TNFSF4: variants seen among roughly 807,000 people sequenced by gnomAD.
The protein encoded by TNFSF4 is tumor necrosis factor ligand superfamily member 4.
In TNFSF4, 4 loss-of-function variants were observed where a neutral mutation model predicts 7.3. The ratio of observed to expected loss-of-function variants is 0.55; its 90% CI spans 0.27 to 1.25. The LOEUF is 1.25. Ranked by LOEUF, TNFSF4 falls within the 50% of genes most tolerant of loss-of-function variation. The probability of loss-of-function intolerance (pLI) is 0.12; values close to 1 mark genes in which losing one functional copy is unlikely to be tolerated. For synonymous variants in TNFSF4, 76 were observed against 83.7 expected (o/e 0.91, Z 0.50); for missense variants, 181 against 208.8 (o/e 0.87, Z 0.82).
the TNFSF4 span, among the ~76,000 whole-genome samples, chr1:173,271,483 A>C: frequency 6.6e-6 from 1 of 151,654 alleles, no homozygotes; most frequent in Non-Finnish European, 1.5e-5. Context: ...TCTACAAAGA[A>C]CTTAAACAAA....
intron 1 of TNFSF4, among the ~76,000 whole-genome samples, chr1:173,197,022 G>A (rs370982482): frequency 6.6e-5 from 10 of 152,166 alleles, no homozygotes; most frequent in East Asian, 5.8e-4. Flanking sequence ...GAACTAAGGT[G>A]GAACTTAGCC....
the TNFSF4 span, among the ~76,000 whole-genome samples, chr1:173,230,713 T>C: frequency 2.7e-5 from 4 of 150,670 alleles, no homozygotes; most frequent in Admixed American, 6.6e-5. Context: ...GAGAGAAGAA[T>C]CAAATAGACA....
the TNFSF4 span, among the ~76,000 whole-genome samples, chr1:173,384,373 TTG>T: frequency 6.6e-6 from 1 of 152,246 alleles, no homozygotes; most frequent in East Asian, 1.9e-4. Context: ...GAATAAACAT[TTG>T]TGTGTGTTGG....
chr1:173,216,609 T>C, the TNFSF4 span, among the ~76,000 whole-genome samples: 1 of 152,180 alleles, frequency 6.6e-6, no homozygotes, highest in Non-Finnish European at 1.5e-5. Flanking sequence ...CAATGAGCCA[T>C]GATTTTCTCT....
the TNFSF4 span, among the ~76,000 whole-genome samples, chr1:173,387,249 T>G: frequency 2.0e-5 from 3 of 152,184 alleles, no homozygotes; most frequent in Non-Finnish European, 4.4e-5. Context: ...GAATCCCCAA[T>G]GCAACAGTAT....
At chr1:173,352,230 C>A in the TNFSF4 span, among the ~76,000 whole-genome samples, 1 of 152,132 alleles carries the variant, frequency 6.6e-6, no homozygotes, top group Admixed American at 6.5e-5. Context: ...AGCGGGGACA[C>A]CTTACTGTTA....
the TNFSF4 span, among the ~76,000 whole-genome samples, chr1:173,348,026 T>A: frequency 6.6e-6 from 1 of 152,190 alleles, no homozygotes; most frequent in Admixed American, 6.5e-5. Flanking sequence ...AGGCAGTGAT[T>A]TTCCAATTCA....
chr1:173,186,969 G>C, intron 2 of TNFSF4, 104 bp from the exon 3 acceptor site: 1 of 774,270 alleles, frequency 1.3e-6, no homozygotes, highest in East Asian at 2.7e-5. Flanking sequence ...GTGATAGGGA[G>C]AGATTTTGAA....
the TNFSF4 span, among the ~76,000 whole-genome samples, chr1:173,450,298 C>A: frequency 1.3e-5 from 2 of 151,854 alleles, no homozygotes; most frequent in Admixed American, 1.3e-4. Context: ...TAGTTTAAAC[C>A]TTCCAAAAAG....
At position 173,207,052 on chromosome 1, in the gene TNFSF4, T is replaced by C. The variant is rs1557887850; in HGVS notation, c.125A>G (p.Tyr42Cys). ...AAGAGCAGAGAAGTGCAGGCAGATG[T>C]AGGTGAAGCACAGGAGCAGCCCCAG... Reference protein sequence around the residue: ...QGLGLLLCFTYICLHFSALQV... With the variant: ...QGLGLLLCFTCICLHFSALQV... Residue 42 changes from tyrosine to cysteine, a missense_variant, in exon 1 of 3, where the codon TAC becomes TGC. Tyr to Cys is a radical substitution (Grantham distance 194, BLOSUM62 -2). Coordinates refer to ENST00000281834, the MANE Select transcript of TNFSF4 (RefSeq NM_003326.5). The C allele has an allele frequency of 1.2e-6, 2 of 1,613,106 alleles. No homozygotes were observed. The highest frequency in any genetic ancestry group is 1.7e-6 in the Non-Finnish European group (2 of 1,179,606).
chr1:173,357,272 T>C, the TNFSF4 span, among the ~76,000 whole-genome samples: 1 of 152,174 alleles, frequency 6.6e-6, no homozygotes, highest in Non-Finnish European at 1.5e-5. Flanking sequence ...TATTATCTCA[T>C]GCCATCTGGT....
the TNFSF4 span, among the ~76,000 whole-genome samples, chr1:173,234,251 C>T: frequency 2.5e-4 from 38 of 152,168 alleles, 3 homozygotes; most frequent in Admixed American, 1.1e-3. Context: ...CAATGAGATA[C>T]GATCTCACAC....
chr1:173,410,079 A>G, the TNFSF4 span, among the ~76,000 whole-genome samples: 1 of 152,198 alleles, frequency 6.6e-6, no homozygotes. Context: ...AGCCTGGGCA[A>G]CATAGTGAGA....
the TNFSF4 span, among the ~76,000 whole-genome samples, chr1:173,295,621 A>G: frequency 6.6e-6 from 1 of 152,028 alleles, no homozygotes; most frequent in Non-Finnish European, 1.5e-5. Flanking sequence ...TCTGCTGTTA[A>G]TCCTCAGGCC....
the TNFSF4 span, among the ~76,000 whole-genome samples, chr1:173,448,343 G>A: frequency 6.6e-6 from 1 of 152,086 alleles, no homozygotes; most frequent in Non-Finnish European, 1.5e-5. Context: ...TATTCACCAT[G>A]CTAAACCATA....
At chr1:173,249,944 T>A in the TNFSF4 span, among the ~76,000 whole-genome samples, 4 of 152,214 alleles carry the variant, frequency 2.6e-5, no homozygotes, top group Admixed American at 6.5e-5. Flanking sequence ...GAATAATATG[T>A]TCTATTTCCC....
chr1:173,248,948 C>A, the TNFSF4 span, among the ~76,000 whole-genome samples: 1 of 151,988 alleles, frequency 6.6e-6, no homozygotes. Context: ...AAGAACATGA[C>A]ATAATAATTT....
downstream of TNFSF4, among the ~76,000 whole-genome samples, chr1:173,181,690 T>A (rs1406040287): frequency 6.6e-6 from 1 of 152,194 alleles, no homozygotes; most frequent in African/African-American, 2.4e-5. Context: ...TAGTCGGAAC[T>A]AGAGGGCCTT....
chr1:173,333,539 T>TG, the TNFSF4 span, among the ~76,000 whole-genome samples: 3 of 151,956 alleles, frequency 2.0e-5, no homozygotes, highest in Admixed American at 6.6e-5. Context: ...ATCATGAGGA[T>TG]GGGGCCCCCG....
Sources: gnomAD v4.1 joint callset for allele counts (sites outside exome capture counted in the v4.1 genomes callset) on GRCh38, gnomAD v4.1.1 for gene constraint, MANE v1.5 for transcripts, NCBI Gene and HGNC (gene_info 2026-07-23, HGNC 2026-07-21) for gene names.